CBR4: variants seen among roughly 807,000 people sequenced by gnomAD.
CBR4 encodes carbonyl reductase 4.
Under a neutral mutation model 21.0 loss-of-function variants are expected in CBR4, and 22 were observed. The observed-to-expected ratio is 1.05, with a 90% confidence interval of 0.75 to 1.50. The LOEUF (loss-of-function observed/expected upper bound fraction) is 1.50. CBR4 is among the 40% of genes most tolerant of loss of function. The pLI is 0.00. For synonymous variants in CBR4, 100 were observed against 104.4 expected (o/e 0.96, Z 0.26); for missense variants, 302 against 286.3 (o/e 1.05, Z -0.40).
At chr4:168,910,920 C>T (rs943879273) in intron 2 of CBR4, among the ~76,000 whole-genome samples, 2 of 152,108 alleles carry the variant, frequency 1.3e-5, no homozygotes, top group African/African-American at 4.8e-5. Flanking sequence ...AGTATATTCA[C>T]ATGGAAATTC....
intron 2 of CBR4, among the ~76,000 whole-genome samples, chr4:168,972,060 TTA>T (rs1343071299): frequency 6.6e-6 from 1 of 152,194 alleles, no homozygotes; most frequent in Non-Finnish European, 1.5e-5. Flanking sequence ...TTCCCCCACT[TTA>T]TGTTTTCATT....
intron 4 of CBR4, among the ~76,000 whole-genome samples, chr4:168,996,419 C>G (rs148247471): frequency 2.1e-4 from 29 of 138,840 alleles, no homozygotes; most frequent in Non-Finnish European, 2.5e-4. Flanking sequence ...ATCACCCCCC[C>G]CTTTCCATTT....
At chr4:168,959,564 T>TC (rs55703919) in intron 2 of CBR4, among the ~76,000 whole-genome samples, 84,737 of 128,186 alleles carry the variant, frequency 0.66, 28,765 homozygotes, top group East Asian at 0.94. Context: ...TCAATTTCTT[T>TC]TTTTTTTTTT....
chr4:168,990,524 C>T (rs72704283), intron 4 of CBR4, among the ~76,000 whole-genome samples, 196 bp from the exon 5 acceptor site: 4,242 of 152,006 alleles, frequency 0.028, 81 homozygotes, highest in Middle Eastern at 0.092. Context: ...GCAGCCTGGA[C>T]CTCTGGGGCA....
chr4:168,998,368 A>G (rs537796262), intron 4 of CBR4, among the ~76,000 whole-genome samples: 1 of 152,318 alleles, frequency 6.6e-6, no homozygotes, highest in East Asian at 1.9e-4. Context: ...AATTAGGTAT[A>G]CCTTTAAAAC....
chr4:168,959,060 C>A (rs1434650491), intron 2 of CBR4, among the ~76,000 whole-genome samples: 2 of 151,980 alleles, frequency 1.3e-5, no homozygotes, highest in Non-Finnish European at 2.9e-5. Context: ...ACCCAATTTA[C>A]CATTTTTTTT....
At chr4:168,900,566 T>C (rs1278219889) in intron 2 of CBR4, among the ~76,000 whole-genome samples, 1 of 152,222 alleles carries the variant, frequency 6.6e-6, no homozygotes, top group African/African-American at 2.4e-5. Flanking sequence ...GGTGTTAATT[T>C]CCTATAGCTC....
intron 2 of CBR4, among the ~76,000 whole-genome samples, chr4:168,934,510 G>C (rs1763057120): frequency 6.6e-6 from 1 of 151,930 alleles, no homozygotes; most frequent in Non-Finnish European, 1.5e-5. Context: ...TGTCACAACT[G>C]ATACTACAGA....
chr4:168,984,730 T>C (rs1025346830), downstream of CBR4, among the ~76,000 whole-genome samples: 3 of 152,052 alleles, frequency 2.0e-5, no homozygotes, highest in African/African-American at 7.2e-5. Context: ...ACCAATGGAA[T>C]AGGTTAGAGA....
chr4:168,976,085 C>T (rs1764362725), intron 2 of CBR4, among the ~76,000 whole-genome samples: 2 of 152,192 alleles, frequency 1.3e-5, no homozygotes, highest in African/African-American at 2.4e-5. Flanking sequence ...GCTGCATCTT[C>T]TGCGCTCATA....
At chr4:168,904,501 T>C (rs1287670292) in intron 2 of CBR4, among the ~76,000 whole-genome samples, 2 of 152,234 alleles carry the variant, frequency 1.3e-5, no homozygotes, top group Non-Finnish European at 2.9e-5. Flanking sequence ...CTGGGTATCA[T>C]GTTGCCAGTT....
chr4:168,977,373 C>T (rs984691773), intron 2 of CBR4, among the ~76,000 whole-genome samples: 2 of 152,330 alleles, frequency 1.3e-5, no homozygotes, highest in South Asian at 2.1e-4. Context: ...TTTCTACTTA[C>T]TGCTCCAACT....
At chr4:169,006,444 T>C (rs1730918381) in intron 3 of CBR4, among the ~76,000 whole-genome samples, 1 of 152,190 alleles carries the variant, frequency 6.6e-6, no homozygotes, top group Non-Finnish European at 1.5e-5. Context: ...AACAATCTAC[T>C]GAATCTAAGT....
chr4:168,982,043 T>TC (rs1389147996), intron 2 of CBR4, among the ~76,000 whole-genome samples: 1 of 152,154 alleles, frequency 6.6e-6, no homozygotes, highest in Non-Finnish European at 1.5e-5. Flanking sequence ...AATAACATGA[T>TC]GACAGGATAA....
Position 169,010,175 on chromosome 4 carries a change from CAAAAAA to C in CBR4, c.-92_-87del. On this transcript the variant is annotated 5_prime_UTR_variant, in exon 1 of 5. Coordinates refer to ENST00000306193, the MANE Select transcript of CBR4 (RefSeq NM_032783.5). The stretch of plus-strand genomic sequence containing the variant: ...TCAGGCTTTTAAACAACCGCGGTTC[CAAAAAA>C]AAAAAAAAGAAAAAAAAAGGCAAAC... 1.5e-6 allele frequency: 1 copy of C among 664,124 alleles called. No homozygotes were observed. The highest frequency in any genetic ancestry group is 2.0e-6 in the Non-Finnish European group (1 of 498,740). The allele number at this position is 664,124 out of a possible 1,614,324, so 41.1% of individuals were successfully genotyped here. A position where few individuals can be genotyped will look rare whatever the true frequency, so the allele number is the denominator to read the frequency against.
downstream of CBR4, among the ~76,000 whole-genome samples, chr4:168,983,758 G>A (rs549737427): frequency 2.6e-4 from 39 of 151,798 alleles, no homozygotes; most frequent in Middle Eastern, 6.8e-3. Context: ...ATTCAACATA[G>A]GCAAATCAAT....
intron 2 of CBR4, among the ~76,000 whole-genome samples, chr4:168,905,990 T>G (rs1438810044): frequency 6.6e-6 from 1 of 152,114 alleles, no homozygotes; most frequent in African/African-American, 2.4e-5. Flanking sequence ...TCCACCTGCC[T>G]CGGCCTCTTT....
rs1164751821 is a variant in CBR4, at chr4:169,010,153, G to A, written c.-64C>T. The stretch of plus-strand genomic sequence containing the variant: ...GGGAGCCCCTCTCCAGGTTCCCTCA[G>A]GCTTTTAAACAACCGCGGTTCCAAA... On this transcript the variant is annotated 5_prime_UTR_variant, in exon 1 of 5. Transcript: ENST00000306193. 2 of 1,352,568 alleles carry A rather than the reference G, an allele frequency of 1.5e-6. No homozygotes were observed. Among genetic ancestry groups the A allele is most frequent in the Middle Eastern group, 2.1e-4 (1 of 4,766 alleles). The allele number at this position is 1,352,568 out of a possible 1,614,324, so 83.8% of individuals were successfully genotyped here.
chr4:168,919,339 C>T (rs912358857), intron 2 of CBR4, among the ~76,000 whole-genome samples: 1 of 152,042 alleles, frequency 6.6e-6, no homozygotes, highest in Non-Finnish European at 1.5e-5. Context: ...GCCTGGCCAA[C>T]ATGGTGAAAC....
Sources: gnomAD v4.1 joint callset for allele counts (sites outside exome capture counted in the v4.1 genomes callset) on GRCh38, gnomAD v4.1.1 for gene constraint, MANE v1.5 for transcripts, NCBI Gene and HGNC (gene_info 2026-07-23, HGNC 2026-07-21) for gene names.